The following SFXN5 variants were observed in gnomAD, a reference collection of about 807,000 sequenced individuals.
SFXN5 encodes the protein sideroflexin-5.
In SFXN5, 43 loss-of-function variants were observed where a neutral mutation model predicts 50.2. The observed-to-expected ratio is 0.86, with a 90% CI of 0.67 to 1.11. SFXN5 has a LOEUF of 1.11. Among genes scored for constraint, SFXN5 ranks in the 50% least tolerant of loss-of-function variants. SFXN5 has a pLI of 0.00. For synonymous variants in SFXN5, 203 were observed against 185.8 expected (o/e 1.09, Z -0.75); for missense variants, 463 against 454.1 (o/e 1.02, Z -0.18).
intron 5 of SFXN5, among the ~76,000 whole-genome samples, chr2:73,021,601 G>A (rs1676897191): frequency 6.6e-6 from 1 of 152,194 alleles, no homozygotes. Context: ...TCAACTTCCT[G>A]GTTGTTTATT....
intron 11 of SFXN5, 36 bp downstream of exon 11, chr2:72,971,534 G>T (rs1473173559): frequency 6.7e-7 from 1 of 1,499,020 alleles, no homozygotes; most frequent in Non-Finnish European, 9.3e-7. Context: ...CTCCCCTGTT[G>T]CTGGCCTCCC....
At chr2:73,064,623 CCCAA>C (rs1354586477) in intron 1 of SFXN5, among the ~76,000 whole-genome samples, 1 of 152,192 alleles carries the variant, frequency 6.6e-6, no homozygotes, top group Non-Finnish European at 1.5e-5. Context: ...ACACAAATCT[CCCAA>C]CCTTGAAGTG....
At chr2:72,977,048 C>A (rs532342717) in intron 10 of SFXN5, among the ~76,000 whole-genome samples, 170 of 152,280 alleles carry the variant, frequency 1.1e-3, no homozygotes, top group African/African-American at 3.9e-3. Flanking sequence ...TCCAGACAAC[C>A]AGGAATGTCT....
chr2:72,958,800 G>A (rs1431534894), intron 13 of SFXN5, among the ~76,000 whole-genome samples: 1 of 152,144 alleles, frequency 6.6e-6, no homozygotes, highest in African/African-American at 2.4e-5. Flanking sequence ...GGGGGAAGGA[G>A]CATCCCAGCA....
At chr2:72,984,108 T>A (rs1671623454) in intron 10 of SFXN5, among the ~76,000 whole-genome samples, 1 of 152,230 alleles carries the variant, frequency 6.6e-6, no homozygotes, top group Non-Finnish European at 1.5e-5. Flanking sequence ...AGCAAATTAA[T>A]TACCAGTCCC....
At position 72,944,926 on chromosome 2, in the gene SFXN5, G is replaced by T; in HGVS notation, c.*96C>A. 1 of 1,131,366 alleles carries T rather than the reference G, an allele frequency of 8.8e-7. No individual in the cohort carries two copies. Among genetic ancestry groups the T allele is most frequent in the Non-Finnish European group, 1.3e-6 (1 of 775,156 alleles). The allele number at this position is 1,131,366 out of a possible 1,614,324, so 70.1% of individuals were successfully genotyped here. ...CAGGGGGCCCAGGACTGCTGGGGTTGGCGTGCTGCTCCCTGCAGGTGCAGC... is the reference window on the plus strand; with the variant it reads ...CAGGGGGCCCAGGACTGCTGGGGTTTGCGTGCTGCTCCCTGCAGGTGCAGC... On this transcript the variant is annotated 3_prime_UTR_variant, in exon 14 of 14. Transcript: ENST00000272433.
At chr2:73,002,534 C>T (rs939291987) in intron 6 of SFXN5, among the ~76,000 whole-genome samples, 4 of 152,158 alleles carry the variant, frequency 2.6e-5, no homozygotes, top group African/African-American at 7.2e-5. Flanking sequence ...TTTATTATTC[C>T]TGTAGATAAA....
chr2:72,993,755 A>C (rs1268399392), intron 9 of SFXN5, among the ~76,000 whole-genome samples: 3 of 151,558 alleles, frequency 2.0e-5, no homozygotes, highest in Non-Finnish European at 4.4e-5. Flanking sequence ...TCGTCCCCCT[A>C]CCTCTCTCCA....
intron 6 of SFXN5, among the ~76,000 whole-genome samples, chr2:73,011,871 A>T (rs1302778954): frequency 1.3e-5 from 2 of 152,224 alleles, no homozygotes. Context: ...CAGCAAATTC[A>T]CTTTCTGGAA....
chr2:73,012,649 AACACACACACACACACACACACACAC>A lies in SFXN5; in HGVS notation c.357+7564_357+7589del, dbSNP rs57635824. On this transcript the variant is annotated intron_variant, in intron 6 of 13. Transcript: ENST00000272433. ...GTTCTAAAGGGTATTCTAGCCAAAC[AACACACACACACACACACACACACAC>A]ACACACACACACACACACACACACA... Among the ~76,000 whole-genome samples the A allele has an allele frequency of 7.3e-4, 92 of 125,920 alleles. 1 individual carries two copies. The highest frequency in any genetic ancestry group is 2.4e-3 in the African/African-American group (82 of 33,938). 82.6% of individuals were successfully genotyped at this position (125,920 alleles called of 152,430 possible). A position where few individuals can be genotyped will look rare whatever the true frequency, so the allele number is the denominator to read the frequency against.
intron 2 of SFXN5, among the ~76,000 whole-genome samples, chr2:73,047,366 T>C: frequency 6.9e-6 from 1 of 144,532 alleles, no homozygotes; most frequent in Non-Finnish European, 1.5e-5. Context: ...TATATATGTA[T>C]ATATATGTAT....
At chr2:73,045,604 C>T (rs1680221151) in intron 2 of SFXN5, among the ~76,000 whole-genome samples, 1 of 152,018 alleles carries the variant, frequency 6.6e-6, no homozygotes, top group African/African-American at 2.4e-5. Context: ...TATGTTCCAC[C>T]ATGTCTTGAT....
At chr2:72,993,208 G>C (rs1171669692) in intron 9 of SFXN5, among the ~76,000 whole-genome samples, 1 of 152,154 alleles carries the variant, frequency 6.6e-6, no homozygotes, top group Non-Finnish European at 1.5e-5. Flanking sequence ...AGGGCACCGG[G>C]GGCAAGGGTG....
intron 2 of SFXN5, among the ~76,000 whole-genome samples, chr2:73,047,273 T>TACACACAC (rs1308620959): frequency 7.8e-5 from 5 of 63,928 alleles, no homozygotes; most frequent in East Asian, 4.5e-4. Flanking sequence ...TATATATATA[T>TACACACAC]ATACACACAT....
At chr2:72,962,251 G>T (rs1168496682) in intron 12 of SFXN5, among the ~76,000 whole-genome samples, 2 of 152,214 alleles carry the variant, frequency 1.3e-5, no homozygotes, top group Non-Finnish European at 2.9e-5. Context: ...CTCCTGGTGT[G>T]AAGGGGAAAT....
At chr2:73,000,239 C>A (rs1187531193) in intron 8 of SFXN5, among the ~76,000 whole-genome samples, 192 bp downstream of exon 8, 1 of 152,210 alleles carries the variant, frequency 6.6e-6, no homozygotes, top group Non-Finnish European at 1.5e-5. Context: ...CCAGAAACTG[C>A]AGCTGACCTC....
At chr2:72,995,457 G>A (rs1673110457) in intron 9 of SFXN5, among the ~76,000 whole-genome samples, 1 of 152,118 alleles carries the variant, frequency 6.6e-6, no homozygotes, top group Non-Finnish European at 1.5e-5. Flanking sequence ...TGCAAACTGG[G>A]GATCCCTGAC....
At chr2:72,982,540 C>A (rs1671435449) in intron 10 of SFXN5, among the ~76,000 whole-genome samples, 1 of 152,174 alleles carries the variant, frequency 6.6e-6, no homozygotes, top group African/African-American at 2.4e-5. Flanking sequence ...ACCGAGGGGG[C>A]TGAGTGTGGT....
intron 3 of SFXN5, among the ~76,000 whole-genome samples, chr2:73,028,903 G>C (rs969473359): frequency 6.6e-6 from 1 of 152,196 alleles, no homozygotes; most frequent in East Asian, 1.9e-4. Flanking sequence ...TGGCTCTGTC[G>C]CTTACTCCAT....
Sources: gnomAD v4.1 joint callset for allele counts (sites outside exome capture counted in the v4.1 genomes callset) on GRCh38, gnomAD v4.1.1 for gene constraint, MANE v1.5 for transcripts, NCBI Gene and HGNC (gene_info 2026-07-23, HGNC 2026-07-21) for gene names.